Variants in FGD1 observed in about 807,000 individuals in gnomAD.
The protein encoded by FGD1 is FYVE, RhoGEF and PH domain containing 1, also known as FYVE, RhoGEF and PH domain-containing protein 1.
A neutral mutation model predicts 65.0 loss-of-function variants in FGD1; 12 were observed. The ratio of observed to expected loss-of-function variants is 0.18; its 90% CI spans 0.12 to 0.30. FGD1 has a LOEUF of 0.30. Ranked by LOEUF, FGD1 falls within the 10% of genes least tolerant of loss-of-function variation. FGD1 has a pLI of 1.00. For missense variants in FGD1, 542 were observed against 837.6 expected (o/e 0.65, Z 4.36); for synonymous variants, 333 against 343.9 (o/e 0.97, Z 0.35).
Position 54,470,710 on chromosome X carries a change from C to A in FGD1, c.532G>T (p.Glu178Ter). 1 of 939,927 alleles carries A rather than the reference C, an allele frequency of 1.1e-6. No individual in the cohort carries two copies. The highest frequency in any genetic ancestry group is 3.5e-5 in the East Asian group (1 of 28,652). The allele number at this position is 939,927 out of a possible 1,213,427, so 77.5% of individuals were successfully genotyped here. ...LQMPRMPPPLEPIPPPPSRPL... is the reference protein window; with the variant it reads ...LQMPRMPPPL ...CGTGATGGTGGAGGGGGGATGGGCT[C>A]CAGTGGGGGGGGCATCCGGGGCATC... Residue 178 changes from glutamate to a stop codon, truncating the protein, a stop_gained, in exon 3 of 18, where the codon GAG becomes TAG. Coordinates refer to ENST00000375135, the MANE Select transcript of FGD1 (RefSeq NM_004463.3). LOFTEE classifies it high-confidence loss of function.
At position 54,485,737 on chromosome X, in the gene FGD1, C is replaced by CTAGGA. The variant is rs1297988408; in HGVS notation, c.307+9384_307+9388dup. Reference sequence around the variant, plus strand: ...CCTCCCCTATCAGCCTCCGAAAGTGCTAGGATTACAGGTGTGAGGCACCAT... The same window carrying CTAGGA: ...CCTCCCCTATCAGCCTCCGAAAGTGCTAGGATAGGATTACAGGTGTGAGGCACCAT... On this transcript the variant is annotated intron_variant, in intron 1 of 17. Coordinates refer to ENST00000375135, the MANE Select transcript of FGD1 (RefSeq NM_004463.3). Among the ~76,000 whole-genome samples, 3 of 110,288 alleles carry CTAGGA rather than the reference C, an allele frequency of 2.7e-5. No individual in the cohort carries two copies. In the East Asian group the frequency reaches 8.6e-4, roughly 32 times the overall value.
In FGD1 at chrX:54,446,206, G is replaced by A. The variant is rs1922166593; in HGVS notation, c.2789C>T (p.Thr930Ile). ...GRGDTFCPGPTLSEDREMEEA... is the reference protein window; with the variant it reads ...GRGDTFCPGPILSEDREMEEA... ...CTCCATCTCCCTGTCCTCAGACAGT[G>A]TGGGCCCCGGGCAGAACGTGTCCCC... The change falls in exon 18 of 18, where the codon ACA (threonine) becomes ATA (isoleucine). Residue 930 changes from threonine (T) to isoleucine (I), a missense_variant. Thr to Ile is a moderately conservative substitution (Grantham distance 89). Coordinates refer to ENST00000375135, the MANE Select transcript of FGD1 (RefSeq NM_004463.3). The A allele has an allele frequency of 1.7e-6, 2 of 1,211,656 alleles. No homozygotes were observed. Among genetic ancestry groups the A allele is most frequent in the Non-Finnish European group, 2.2e-6 (2 of 895,333 alleles).
chrX:54,447,405 T>C lies in FGD1; in HGVS notation c.2486A>G (p.His829Arg). The C allele has an allele frequency of 8.3e-7, 1 of 1,211,108 alleles. No homozygotes were observed. Among genetic ancestry groups the C allele is most frequent in the Non-Finnish European group, 1.1e-6 (1 of 895,008 alleles). Reference sequence around the variant, plus strand: ...TCCTTTGCCACCCTTCTCCATGTAGTGCAGGAAGCTGCAGATGACGCTGTT... The same window carrying C: ...TCCTTTGCCACCCTTCTCCATGTAGCGCAGGAAGCTGCAGATGACGCTGTT... ...AENSVICSFLHYMEKGGKGWH... is the reference protein window; with the variant it reads ...AENSVICSFLRYMEKGGKGWH... The change falls in exon 17 of 18, where the codon CAC (histidine) becomes CGC (arginine). Residue 829 changes from histidine (H) to arginine (R), a missense_variant. His to Arg is a conservative substitution (Grantham distance 29). This residue lies in a region of FGD1 where 182 missense variants were observed against 311.4 expected (regional missense o/e 0.58). Transcript: ENST00000375135.
At chrX:54,475,837 T>C (rs1449417652) in intron 1 of FGD1, among the ~76,000 whole-genome samples, 1 of 111,740 alleles carries the variant, frequency 8.9e-6, no homozygotes, top group African/African-American at 3.3e-5. Context: ...GAGGCTGAGG[T>C]GGGTGGATCA....
intron 17 of FGD1, among the ~76,000 whole-genome samples, chrX:54,447,058 C>T (rs1366043574): frequency 2.7e-5 from 3 of 111,547 alleles, no homozygotes; most frequent in Non-Finnish European, 5.7e-5. Context: ...CAAATTGGAC[C>T]TAGCAGTTCC....
Position 54,446,094 on chromosome X carries a change from T to G in FGD1, c.*15A>C. The G allele has an allele frequency of 8.4e-7, 1 of 1,189,314 alleles. No homozygotes were observed. Among genetic ancestry groups the G allele is most frequent in the Non-Finnish European group, 1.1e-6 (1 of 882,636 alleles). On this transcript the variant is annotated 3_prime_UTR_variant, in exon 18 of 18. Transcript: ENST00000375135. Reference sequence around the variant, plus strand: ...TAGAGTGTGGGGTGGGGGCTCCCAGTTTGTCCCAAACCCTCTAGGTCTTGT... The same window carrying G: ...TAGAGTGTGGGGTGGGGGCTCCCAGGTTGTCCCAAACCCTCTAGGTCTTGT...
rs772111077 is a variant in FGD1 at position 54,470,139 on chromosome X, G to A, written c.978C>T (p.Asp326=). 4 of 1,209,619 alleles carry A rather than the reference G, an allele frequency of 3.3e-6. No homozygotes were observed. The South Asian group carries it at 5.3e-5, about 16-fold the overall frequency. The change falls in exon 4 of 18, where the codon GAC becomes GAT. Residue 326 remains aspartate (D), a synonymous_variant. Coordinates refer to ENST00000375135, the MANE Select transcript of FGD1 (RefSeq NM_004463.3). ...ALASVPVALA[D]PHRPGSQEVD... Reference sequence around the variant, plus strand: ...CCTCTTGGGAGCCAGGCCGGTGGGGGTCGGCCAAGGCAACAGGCACACTAG... The same window carrying A: ...CCTCTTGGGAGCCAGGCCGGTGGGGATCGGCCAAGGCAACAGGCACACTAG...
chrX:54,467,358 CTTTTTT>C (rs200305260), intron 6 of FGD1, among the ~76,000 whole-genome samples: 1 of 96,387 alleles, frequency 1.0e-5, no homozygotes, highest in Non-Finnish European at 2.1e-5. Flanking sequence ...TTTTCTTTTT[CTTTTTT>C]TTTTTTTTTA....
At chrX:54,462,330 G>A (rs1317183259) in intron 8 of FGD1, among the ~76,000 whole-genome samples, 2 of 110,267 alleles carry the variant, frequency 1.8e-5, no homozygotes, top group African/African-American at 6.6e-5. Context: ...CTGGCAGGGT[G>A]GAGAAGGCTC....
At chrX:54,466,229 TGA>T (rs760347598) in intron 6 of FGD1, among the ~76,000 whole-genome samples, 1 of 111,730 alleles carries the variant, frequency 9.0e-6, no homozygotes, top group African/African-American at 3.3e-5. Context: ...ATCTGGTAGG[TGA>T]GACAAAGAGA....
Position 54,449,346 on chromosome X carries a change from C to G in FGD1, c.2149-78G>C, listed in dbSNP as rs370224483. On this transcript the variant is annotated intron_variant, in intron 14 of 17. Transcript: ENST00000375135. ...CAGCCAGCCCTTGTTCCTGCTCCAA[C>G]GCTTGGATTATCATGGGGTGGGGAT... is the stretch of plus-strand genomic sequence containing the variant. The G allele has an allele frequency of 7.0e-6, 8 of 1,148,146 alleles. No individual in the cohort carries two copies. The East Asian group carries it at 2.5e-4, about 36-fold the overall frequency. 94.6% of individuals were successfully genotyped at this position (1,148,146 alleles called of 1,213,427 possible).
intron 1 of FGD1, among the ~76,000 whole-genome samples, chrX:54,477,224 C>G (rs762214566): frequency 8.9e-6 from 1 of 112,228 alleles, no homozygotes; most frequent in South Asian, 3.7e-4. Flanking sequence ...GGGGTATGCA[C>G]CCTTCCTGCC....
At chrX:54,461,617 A>G (rs1922636456) in intron 8 of FGD1, among the ~76,000 whole-genome samples, 1 of 106,361 alleles carries the variant, frequency 9.4e-6, no homozygotes, top group South Asian at 4.1e-4. Flanking sequence ...AAAAAAAAAA[A>G]AAAAAAAAAG....
At chrX:54,478,834 G>A (rs926865280) in intron 1 of FGD1, among the ~76,000 whole-genome samples, 8 of 110,005 alleles carry the variant, frequency 7.3e-5, no homozygotes, top group African/African-American at 2.7e-4. Context: ...GCAACCCAAC[G>A]TAAAACTGTA....
intron 12 of FGD1, among the ~76,000 whole-genome samples, chrX:54,451,461 TTTCAG>T (rs1260226769): frequency 3.2e-4 from 35 of 108,944 alleles, no homozygotes; most frequent in African/African-American, 1.1e-3. Context: ...ATTTTTGTAT[TTTCAG>T]TAGAGACGGG....
intron 1 of FGD1, among the ~76,000 whole-genome samples, chrX:54,473,351 C>T (rs1474920611): frequency 8.9e-6 from 1 of 112,195 alleles, no homozygotes; most frequent in African/African-American, 3.2e-5. Flanking sequence ...CACCTGCAAA[C>T]ATGGTTACAC....
chrX:54,462,255 G>A (rs912321029), intron 8 of FGD1, among the ~76,000 whole-genome samples: 38 of 111,427 alleles, frequency 3.4e-4, no homozygotes, highest in African/African-American at 1.2e-3. Context: ...GTAGAGCTTA[G>A]CTATTAAACT....
At chrX:54,467,575 C>T (rs912994084) in intron 6 of FGD1, among the ~76,000 whole-genome samples, 13 of 111,038 alleles carry the variant, frequency 1.2e-4, no homozygotes, top group African/African-American at 3.9e-4. Flanking sequence ...AGGCTGTTCT[C>T]GAACTCCTGA....
At chrX:54,489,593 C>T (rs1287192429) in intron 1 of FGD1, among the ~76,000 whole-genome samples, 2 of 111,250 alleles carry the variant, frequency 1.8e-5, no homozygotes, top group East Asian at 2.8e-4. Context: ...AAAAAATGCT[C>T]AACATCACTA....
Sources: allele counts gnomAD v4.1 joint callset (sites outside exome capture counted in the v4.1 genomes callset), GRCh38; gene constraint gnomAD v4.1.1; regional missense constraint gnomAD v4.1.1; transcripts MANE v1.5; gene names NCBI Gene and HGNC (gene_info 2026-07-23, HGNC 2026-07-21).